The following PPL variants were observed in gnomAD, a reference collection of about 807,000 sequenced individuals.
PPL encodes periplakin, also known as 190 kDa paraneoplastic pemphigus antigen.
A neutral mutation model predicts 194.4 loss-of-function variants in PPL; 198 were observed. The ratio of observed to expected loss-of-function variants is 1.02; its 90% CI spans 0.91 to 1.15. The LOEUF (loss-of-function observed/expected upper bound fraction) is 1.15, where lower values mean the gene tolerates loss of function less well. Ranked by LOEUF, PPL falls within the 50% of genes most tolerant of loss-of-function variation. The pLI is 0.00. For synonymous variants in PPL, 1,220 were observed against 972.4 expected, an observed-to-expected ratio of 1.25 and a Z score of -4.74; for missense variants, 2,885 against 2,294.8, an observed-to-expected ratio of 1.26 and a Z score of -5.25.
chr16:4,891,542 T>C (rs559835886), intron 16 of PPL: 1 of 364,178 alleles, frequency 2.7e-6, no homozygotes, highest in South Asian at 9.1e-5. Flanking sequence ...GCCTCCTGAA[T>C]GGCTGGTGTT....
At chr16:4,919,799 T>C (rs1323111861) in intron 1 of PPL, among the ~76,000 whole-genome samples, 1 of 152,060 alleles carries the variant, frequency 6.6e-6, no homozygotes, top group Non-Finnish European at 1.5e-5. Flanking sequence ...TGTGGTAGTG[T>C]GCACCTGTAG....
chr16:4,923,444 C>T (rs1248550870), intron 1 of PPL, among the ~76,000 whole-genome samples: 1 of 152,166 alleles, frequency 6.6e-6, no homozygotes, highest in Non-Finnish European at 1.5e-5. Context: ...CCAGGAGAGA[C>T]GTGGACCCTC....
chr16:4,919,389 G>A (rs192050305), intron 1 of PPL, among the ~76,000 whole-genome samples: 2 of 152,216 alleles, frequency 1.3e-5, no homozygotes. Flanking sequence ...CAGTGTGACA[G>A]AGGAGCTACA....
chr16:4,898,942 C>T, intron 8 of PPL, 71 bp downstream of exon 8: 1 of 1,303,448 alleles, frequency 7.7e-7, no homozygotes. Flanking sequence ...GCCCGAGCTC[C>T]AGGCGGCCCA....
rs1465458792 is a variant in PPL, at chr16:4,895,261, C to G, written c.1242G>C (p.Gln414His). ...GAACAGAGGAGCTGGCCCCACGCAC[C>G]TGCTCCCCCTCAAAGTCACAGAGTG... ...VEALCDFEGE[Q>H]GLISRGYSYT... Residue 414 changes from glutamine to histidine, a missense_variant and splice_region_variant, in exon 11 of 22, where the codon CAG (glutamine) becomes CAC (histidine). Coordinates refer to ENST00000345988, the MANE Select transcript of PPL (RefSeq NM_002705.5). 1.2e-6 allele frequency: 2 copies of G among 1,601,558 alleles called. No homozygotes were observed. The highest frequency in any genetic ancestry group is 3.5e-5 in the Admixed American group (2 of 57,464).
intron 5 of PPL, 44 bp from the exon 6 acceptor site, chr16:4,900,915 C>T (rs372156700): frequency 1.3e-4 from 211 of 1,613,864 alleles, no homozygotes; most frequent in East Asian, 2.5e-4. Flanking sequence ...AGGAAGCAGG[C>T]GCGGCCCCCT....
At chr16:4,889,522 G>A (rs1318150503) in intron 18 of PPL, among the ~76,000 whole-genome samples, 1 of 151,998 alleles carries the variant, frequency 6.6e-6, no homozygotes, top group Admixed American at 6.6e-5. Flanking sequence ...CTCCCAAAAT[G>A]CCGGGATTAC....
rs1381948900 is a variant in PPL at position 4,900,958 on chromosome 16, C to T, written c.564+6G>A. On this transcript the variant is annotated splice_donor_region_variant and intron_variant, in intron 5 of 21. Transcript: ENST00000345988. Reference sequence around the variant, plus strand: ...TGGGTCCCCACCACACCAGCACACGCCCCACCTTGTCCCCGTCCTTGGCCA... The same window carrying T: ...TGGGTCCCCACCACACCAGCACACGTCCCACCTTGTCCCCGTCCTTGGCCA... 1 of 1,614,094 alleles carries T rather than the reference C, an allele frequency of 6.2e-7. No individual in the cohort carries two copies. Among genetic ancestry groups the T allele is most frequent in the East Asian group, 2.2e-5 (1 of 44,850 alleles).
At chr16:4,896,010 G>A (rs1348025355) in intron 9 of PPL, among the ~76,000 whole-genome samples, 1 of 152,208 alleles carries the variant, frequency 6.6e-6, no homozygotes, top group East Asian at 1.9e-4. Context: ...AGGTGTCTTT[G>A]ATTCAGTTCC....
chr16:4,897,667 G>A lies in PPL; in HGVS notation c.972+8C>T. On this transcript the variant is annotated splice_region_variant and intron_variant, in intron 9 of 21. Transcript: ENST00000345988. ...GGTGCTGGGGGGACTCCCAGGAAAG[G>A]TAAGTACCTGGTGGTAGTCCTCCAT... is the stretch of plus-strand genomic sequence containing the variant. 6.2e-7 allele frequency: 1 copy of A among 1,610,190 alleles called. No individual in the cohort carries two copies. Among genetic ancestry groups the A allele is most frequent in the Non-Finnish European group, 8.5e-7 (1 of 1,177,008 alleles).
intron 19 of PPL, 155 bp downstream of exon 19, chr16:4,888,823 A>C: frequency 1.4e-6 from 1 of 722,358 alleles, no homozygotes; most frequent in Admixed American, 2.1e-5. Context: ...CTGTTTTCCC[A>C]AAAGCCTGTG....
Position 4,894,501 on chromosome 16 carries a change from G to C in PPL, c.1360C>G (p.Pro454Ala), listed in dbSNP as rs753591660. The change falls in exon 12 of 22, where the codon CCC becomes GCC. Residue 454 changes from proline to alanine, a missense_variant. By Grantham distance (27) the Pro-to-Ala change is conservative. Coordinates refer to ENST00000345988, the MANE Select transcript of PPL (RefSeq NM_002705.5). ...AGAGCCAGGGCCTCAGGGTCTGTGG[G>C]GGGGATCACAAAACACACGGCCGGA... ...IAPAVCFVIP[P>A]TDPEALALAD... 12 of 1,613,820 alleles carry C rather than the reference G, an allele frequency of 7.4e-6. No homozygotes were observed. Among genetic ancestry groups the C allele is most frequent in the African/African-American group, 6.7e-5 (5 of 74,932 alleles).
chr16:4,911,003 T>TA, intron 1 of PPL, 54 bp from the exon 2 acceptor site: 1 of 1,373,518 alleles, frequency 7.3e-7, no homozygotes, highest in Non-Finnish European at 1.0e-6. Context: ...GTGGGGGCTA[T>TA]GTCCCCACCA....
At position 4,883,460 on chromosome 16, in the gene PPL, G is replaced by C; in HGVS notation, c.5195C>G (p.Pro1732Arg). The change falls in exon 22 of 22, where the codon CCT becomes CGT. Residue 1732 changes from proline (P) to arginine (R), a missense_variant. Physicochemically the swap from Pro to Arg is moderately radical, Grantham distance 103. Coordinates refer to ENST00000345988, the MANE Select transcript of PPL (RefSeq NM_002705.5). This position sits in a 1 kb window ranked among gnomAD's most constrained non-coding sequence, Gnocchi z 4.8. ...EEALQSGRLT[P>R]AQYDRYVNKD... ...GTTGACATAGCGGTCATACTGAGCAGGGGTCAGCCTGCCACTCTGCAGGGC... is the reference window on the plus strand; with the variant it reads ...GTTGACATAGCGGTCATACTGAGCACGGGTCAGCCTGCCACTCTGCAGGGC... 1 of 1,614,180 alleles carries C rather than the reference G, an allele frequency of 6.2e-7. No individual in the cohort carries two copies. The highest frequency in any genetic ancestry group is 8.5e-7 in the Non-Finnish European group (1 of 1,180,038).
chr16:4,893,179 C>T (rs760543985), intron 14 of PPL, 34 bp downstream of exon 14: 61 of 1,501,970 alleles, frequency 4.1e-5, no homozygotes, highest in South Asian at 2.7e-4. Context: ...GCAGGGCTCC[C>T]CCGGCCCCAC....
intron 1 of PPL, among the ~76,000 whole-genome samples, chr16:4,931,549 C>G (rs903553949): frequency 2.6e-5 from 4 of 152,180 alleles, no homozygotes; most frequent in Non-Finnish European, 4.4e-5. Context: ...GCCGTTTCCC[C>G]ATTCGCTCCC....
chr16:4,886,975 GT>G (rs2142330800), intron 21 of PPL, among the ~76,000 whole-genome samples, 159 bp downstream of exon 21: 1 of 152,370 alleles, frequency 6.6e-6, no homozygotes, highest in South Asian at 2.1e-4. Flanking sequence ...TCTCATGTCA[GT>G]AGAAGCATTG....
chr16:4,931,124 G>C (rs2089220394), intron 1 of PPL, among the ~76,000 whole-genome samples: 1 of 152,168 alleles, frequency 6.6e-6, no homozygotes, highest in South Asian at 2.1e-4. Context: ...AGTGCTTTGG[G>C]AGGCTAAGGC....
intron 1 of PPL, among the ~76,000 whole-genome samples, chr16:4,917,117 G>T (rs1250087900): frequency 1.3e-5 from 2 of 151,904 alleles, no homozygotes; most frequent in Non-Finnish European, 2.9e-5. Flanking sequence ...GGGTGATGGA[G>T]CAAGACTCCA....
Sources: gnomAD v4.1 joint callset for allele counts (sites outside exome capture counted in the v4.1 genomes callset) on GRCh38, gnomAD v4.1.1 for gene constraint, Gnocchi (gnomAD v3.1) non-coding constraint, MANE v1.5 for transcripts, NCBI Gene and HGNC (gene_info 2026-07-23, HGNC 2026-07-21) for gene names.